The following SLC47A1 variants were observed in gnomAD, a reference collection of about 807,000 sequenced individuals.
SLC47A1 encodes the protein solute carrier family 47 member 1.
SLC47A1 carries 58 observed loss-of-function variants against 65.8 expected under a neutral mutation model. The observed-to-expected ratio is 0.88, with a 90% CI of 0.71 to 1.10. The LOEUF (loss-of-function observed/expected upper bound fraction) is 1.10. Among genes scored for constraint, SLC47A1 ranks in the 50% least tolerant of loss-of-function variants. The probability of loss-of-function intolerance (pLI) is 0.00; values close to 1 mark genes in which losing one functional copy is unlikely to be tolerated. For missense variants in SLC47A1, 706 were observed against 719.2 expected (o/e 0.98, Z 0.21); for synonymous variants, 285 against 295.0 (o/e 0.97, Z 0.35).
chr17:19,573,219 T>G (rs1339533866), intron 16 of SLC47A1, among the ~76,000 whole-genome samples: 1 of 152,242 alleles, frequency 6.6e-6, no homozygotes. Flanking sequence ...TTGTGGGCTT[T>G]AAACAGGTCG....
At chr17:19,576,091 G>A (rs2084437413) in intron 16 of SLC47A1, among the ~76,000 whole-genome samples, 1 of 151,802 alleles carries the variant, frequency 6.6e-6, no homozygotes, top group Non-Finnish European at 1.5e-5. Context: ...GAATGAACCT[G>A]AGAGACTGGC....
intron 12 of SLC47A1, among the ~76,000 whole-genome samples, chr17:19,563,031 T>A (rs1281968229): frequency 6.7e-6 from 1 of 149,018 alleles, no homozygotes; most frequent in Non-Finnish European, 1.5e-5. Flanking sequence ...AAATGTGGAA[T>A]AAACAGATAA....
At chr17:19,557,770 A>G (rs1916660222) in intron 10 of SLC47A1, 3 of 387,430 alleles carry the variant, frequency 7.7e-6, no homozygotes. Context: ...CACCAAATCG[A>G]AGAAAGCACT....
Position 19,544,421 on chromosome 17 carries a change from A to C in SLC47A1, c.237+1927A>C, listed in dbSNP as rs147746982. 9.5e-3 allele frequency among the ~76,000 whole-genome samples: 1,447 copies of C among 152,370 alleles called. 23 individuals carry two copies. The highest frequency in any genetic ancestry group is 0.032 in the African/African-American group (1,329 of 41,590). On this transcript the variant is annotated intron_variant, in intron 2 of 16. Transcript: ENST00000270570. ...ATGTGGCCAAGGACTTATCAAAGTCAGTGCTTCCAGGCTGGGTGCAGTTTG... is the reference window on the plus strand; with the variant it reads ...ATGTGGCCAAGGACTTATCAAAGTCCGTGCTTCCAGGCTGGGTGCAGTTTG...
chr17:19,567,283 C>T (rs771662734), intron 14 of SLC47A1, 55 bp downstream of exon 14: 127 of 1,610,350 alleles, frequency 7.9e-5, no homozygotes, highest in Admixed American at 1.8e-4. Flanking sequence ...CAGGAAATGA[C>T]CGTCGGAGCA....
In SLC47A1 at chr17:19,566,790, A is replaced by G. The variant is rs2084361315; in HGVS notation, c.1107A>G (p.Arg369=). The change falls in exon 13 of 17, where the codon CGA becomes CGG. Residue 369 remains arginine (R), a splice_region_variant and synonymous_variant. Coordinates refer to ENST00000270570, the MANE Select transcript of SLC47A1 (RefSeq NM_018242.3). Reference sequence around the variant, plus strand: ...ACCACGTGCTTTATTTTCCTAACAGAGACATCATTAATCTGGTGGCTCAGG... The same window carrying G: ...ACCACGTGCTTTATTTTCCTAACAGGGACATCATTAATCTGGTGGCTCAGG... The part of the protein sequence containing the change: ...DHVGYIFTTD[R]DIINLVAQVV... The G allele has an allele frequency of 6.2e-7, 1 of 1,613,952 alleles. No homozygotes were observed. The highest frequency in any genetic ancestry group is 8.5e-7 in the Non-Finnish European group (1 of 1,180,008).
chr17:19,577,604 A>G lies in SLC47A1; in HGVS notation c.*51A>G. 2 of 1,606,670 alleles carry G rather than the reference A, an allele frequency of 1.2e-6. No individual in the cohort carries two copies. On this transcript the variant is annotated 3_prime_UTR_variant, in exon 17 of 17. Coordinates refer to ENST00000270570, the MANE Select transcript of SLC47A1 (RefSeq NM_018242.3). ...AGTGATGCTTTTGAGCTTACACACA[A>G]TTCACAGGCCCACCAGTGACAATTT...
Position 19,577,555 on chromosome 17 carries a change from G to C in SLC47A1, c.*2G>C. On this transcript the variant is annotated 3_prime_UTR_variant, in exon 17 of 17. Coordinates refer to ENST00000270570, the MANE Select transcript of SLC47A1 (RefSeq NM_018242.3). ...AGATTCTATGTCAGAATTCAGTGAC[G>C]TGGTAGGAAAGAAAGTCAGGTCAAG... 6.2e-7 allele frequency: 1 copy of C among 1,613,946 alleles called. No homozygotes were observed. The highest frequency in any genetic ancestry group is 8.5e-7 in the Non-Finnish European group (1 of 1,179,902).
chr17:19,549,697 G>A lies in SLC47A1; in HGVS notation c.498+20G>A, dbSNP rs1350540449. On this transcript the variant is annotated intron_variant, in intron 5 of 16. Transcript: ENST00000270570. ...CTTCCTGTAAGTGCTCAAGGGCTAA[G>A]AGATTCCCTTCTTGGGGTCCGTGGG... The A allele has an allele frequency of 1.2e-6, 2 of 1,614,010 alleles. No homozygotes were observed. Among genetic ancestry groups the A allele is most frequent in the African/African-American group, 2.7e-5 (2 of 75,050 alleles).
intron 6 of SLC47A1, 47 bp downstream of exon 6, chr17:19,551,515 A>G (rs772418963): frequency 1.9e-6 from 3 of 1,560,962 alleles, no homozygotes; most frequent in East Asian, 2.2e-5. Flanking sequence ...GGGAGTTTGT[A>G]CCTTTCTGGG....
chr17:19,556,154 T>C, intron 10 of SLC47A1, 92 bp downstream of exon 10: 1 of 1,403,262 alleles, frequency 7.1e-7, no homozygotes, highest in Non-Finnish European at 1.0e-6. Context: ...CATTCGTACA[T>C]GAATCATTTG....
chr17:19,577,692 A>G lies in SLC47A1; in HGVS notation c.*139A>G, dbSNP rs1409093686. 2 of 1,454,602 alleles carry G rather than the reference A, an allele frequency of 1.4e-6. No individual in the cohort carries two copies. The highest frequency in any genetic ancestry group is 1.8e-6 in the Non-Finnish European group (2 of 1,111,122). The allele number at this position is 1,454,602 out of a possible 1,614,324, so 90.1% of individuals were successfully genotyped here. A position where few individuals can be genotyped will look rare whatever the true frequency, so the allele number is the denominator to read the frequency against. Reference sequence around the variant, plus strand: ...TTGAGGGCTGGAAATGCAAAGACACATTTTTCTATAAAAAGAAAAAGCAAC... The same window carrying G: ...TTGAGGGCTGGAAATGCAAAGACACGTTTTTCTATAAAAAGAAAAAGCAAC... On this transcript the variant is annotated 3_prime_UTR_variant, in exon 17 of 17. Coordinates refer to ENST00000270570, the MANE Select transcript of SLC47A1 (RefSeq NM_018242.3).
chr17:19,547,716 C>CTTTTTTTTTTT (rs1180263887), intron 3 of SLC47A1, among the ~76,000 whole-genome samples: 2 of 68,588 alleles, frequency 2.9e-5, no homozygotes, highest in Non-Finnish European at 2.6e-5. Flanking sequence ...CCATGGGCTT[C>CTTTTTTTTTTT]TTTTTTTTTT....
intron 16 of SLC47A1, among the ~76,000 whole-genome samples, chr17:19,574,766 C>T (rs1416282022): frequency 6.6e-6 from 1 of 151,940 alleles, no homozygotes; most frequent in Non-Finnish European, 1.5e-5. Context: ...GCTGGGATTA[C>T]AGGTGTGTGC....
chr17:19,541,349 C>T (rs562275177), intron 1 of SLC47A1, among the ~76,000 whole-genome samples: 1 of 152,158 alleles, frequency 6.6e-6, no homozygotes. Context: ...GGCCGTGTAG[C>T]CTGCCAGGGG....
chr17:19,547,804 C>A (rs1163468404), intron 3 of SLC47A1, among the ~76,000 whole-genome samples, 181 bp from the exon 4 acceptor site: 1 of 144,088 alleles, frequency 6.9e-6, no homozygotes, highest in Non-Finnish European at 1.5e-5. Flanking sequence ...CTCACTGCAA[C>A]CTCTGCCTCC....
At chr17:19,552,551 CTG>C (rs1916481008) in intron 6 of SLC47A1, among the ~76,000 whole-genome samples, 1 of 152,192 alleles carries the variant, frequency 6.6e-6, no homozygotes, top group South Asian at 2.1e-4. Context: ...CCCCCAACCA[CTG>C]TGGTGGCCCT....
chr17:19,548,027 C>T lies in SLC47A1; in HGVS notation c.349C>T (p.Gln117Ter), dbSNP rs1395640727. 3 of 1,614,076 alleles carry T rather than the reference C, an allele frequency of 1.9e-6. No individual in the cohort carries two copies. In the East Asian group the frequency reaches 6.7e-5, roughly 36 times the overall value. The change falls in exon 4 of 17, where the codon CAG becomes TAG. Residue 117 changes from glutamine to a stop codon, truncating the protein, a stop_gained. Transcript: ENST00000270570. LOFTEE classifies it high-confidence loss of function. The part of the protein sequence containing the change: ...QNLKHVGVIL[Q>*]RSALVLLLCC... Reference sequence around the variant, plus strand: ...CCTGAAGCACGTGGGCGTGATCCTGCAGCGGAGTGCGCTCGTCCTGCTCCT... The same window carrying T: ...CCTGAAGCACGTGGGCGTGATCCTGTAGCGGAGTGCGCTCGTCCTGCTCCT...
Position 19,572,875 on chromosome 17 carries a change from C to A in SLC47A1, c.1486+14C>A, listed in dbSNP as rs75421879. On this transcript the variant is annotated intron_variant, in intron 16 of 16. Transcript: ENST00000270570. ...CGCTTCACCCAGGTAAGATATGACT[C>A]CCTCAGCCCTTGGACAGGCCTGTCT... 2.0e-4 allele frequency: 321 copies of A among 1,613,116 alleles called. 1 individual carries two copies. The highest frequency in any genetic ancestry group is 1.8e-3 in the Middle Eastern group (11 of 6,054).
Sources: allele counts gnomAD v4.1 joint callset (sites outside exome capture counted in the v4.1 genomes callset), GRCh38; gene constraint gnomAD v4.1.1; transcripts MANE v1.5; gene names NCBI Gene and HGNC (gene_info 2026-07-23, HGNC 2026-07-21).